Variants in CFAP61 observed in about 807,000 individuals in gnomAD.
CFAP61 encodes cilia and flagella associated protein 61.
Under a neutral mutation model 135.6 loss-of-function variants are expected in CFAP61, and 107 were observed. The observed-to-expected ratio is 0.79, with a 90% confidence interval of 0.67 to 0.93. The LOEUF (loss-of-function observed/expected upper bound fraction) is 0.93, where lower values mean the gene tolerates loss of function less well. Among genes scored for constraint, CFAP61 ranks in the 40% least tolerant of loss-of-function variants. CFAP61 has a pLI of 0.00. For missense variants in CFAP61, 1,507 were observed against 1,556.2 expected, an observed-to-expected ratio of 0.97 and a Z score of 0.53; for synonymous variants, 575 against 578.5, an observed-to-expected ratio of 0.99 and a Z score of 0.09.
At chr20:20,231,283 T>A (rs1339930393) in intron 18 of CFAP61, among the ~76,000 whole-genome samples, 1 of 152,178 alleles carries the variant, frequency 6.6e-6, no homozygotes. Flanking sequence ...ACACATCTCC[T>A]TGTCTGTGGT....
At chr20:20,269,208 T>TAC (rs1205036586) in intron 21 of CFAP61, among the ~76,000 whole-genome samples, 4 of 141,878 alleles carry the variant, frequency 2.8e-5, no homozygotes, top group Middle Eastern at 3.6e-3. Context: ...TATATGTATA[T>TAC]ATACACATAT....
rs1046219803 is a variant in CFAP61 at position 20,102,478 on chromosome 20, GTGT to G, written c.859+3672_859+3674del. Among the ~76,000 whole-genome samples, 35 of 152,266 alleles carry G rather than the reference GTGT, an allele frequency of 2.3e-4. 1 individual carries two copies. The highest frequency in any genetic ancestry group is 7.7e-4 in the African/African-American group (32 of 41,552). The stretch of plus-strand genomic sequence containing the variant: ...AATAGTAATCTGGGTGATAACACAT[GTGT>G]TGTTGTTTTTTAACTTTTAAGTTCA... On this transcript the variant is annotated intron_variant, in intron 8 of 26. Coordinates refer to ENST00000245957, the MANE Select transcript of CFAP61 (RefSeq NM_015585.4).
At chr20:20,174,731 C>A (rs186253003) in intron 13 of CFAP61, among the ~76,000 whole-genome samples, 111 of 148,920 alleles carry the variant, frequency 7.5e-4, no homozygotes, top group African/African-American at 2.7e-3. Flanking sequence ...GGGAGAGCAA[C>A]CCCCACCCTT....
chr20:20,280,317 G>T (rs76426483), intron 22 of CFAP61, among the ~76,000 whole-genome samples: 1 of 152,150 alleles, frequency 6.6e-6, no homozygotes, highest in Non-Finnish European at 1.5e-5. Flanking sequence ...GTAGGAAGAG[G>T]CAGGGAAGCC....
intron 25 of CFAP61, among the ~76,000 whole-genome samples, chr20:20,339,639 AT>A (rs993326129): frequency 1.5e-4 from 23 of 150,814 alleles, no homozygotes; most frequent in Non-Finnish European, 8.9e-5. Context: ...CACCTGGCTA[AT>A]TTTTTTTTAT....
At chr20:20,188,666 C>T (rs1354789362) in intron 14 of CFAP61, among the ~76,000 whole-genome samples, 1 of 152,174 alleles carries the variant, frequency 6.6e-6, no homozygotes, top group Non-Finnish European at 1.5e-5. Context: ...AGGGCCATGA[C>T]AGTTAATCTG....
chr20:20,328,775 G>GA (rs1359877308), intron 25 of CFAP61, among the ~76,000 whole-genome samples: 28 of 152,318 alleles, frequency 1.8e-4, no homozygotes, highest in African/African-American at 6.0e-4. Context: ...GGAAGTACAT[G>GA]AAAAGGTGTT....
At chr20:20,062,325 G>A (rs573541660) in intron 2 of CFAP61, among the ~76,000 whole-genome samples, 6 of 152,312 alleles carry the variant, frequency 3.9e-5, no homozygotes, top group African/African-American at 1.4e-4. Flanking sequence ...ATAAAACAGA[G>A]TAGCCACTAA....
At chr20:20,261,532 C>T (rs980568790) in intron 20 of CFAP61, among the ~76,000 whole-genome samples, 15 of 152,198 alleles carry the variant, frequency 9.9e-5, no homozygotes, top group African/African-American at 3.6e-4. Flanking sequence ...TTTTTCTCCT[C>T]ATAACTGCCA....
At chr20:20,271,350 A>G (rs2053329865) in intron 21 of CFAP61, among the ~76,000 whole-genome samples, 2 of 152,206 alleles carry the variant, frequency 1.3e-5, no homozygotes, top group Admixed American at 1.3e-4. Flanking sequence ...CAACATTTTA[A>G]TTGGCAAGTG....
intron 18 of CFAP61, among the ~76,000 whole-genome samples, chr20:20,245,882 G>A (rs1449902773): frequency 1.3e-5 from 2 of 152,120 alleles, no homozygotes; most frequent in Admixed American, 1.3e-4. Context: ...TTAAAAACCT[G>A]TCTCATTACT....
chr20:20,338,133 GA>G (rs1376123976), intron 25 of CFAP61, among the ~76,000 whole-genome samples: 1 of 152,158 alleles, frequency 6.6e-6, no homozygotes, highest in Non-Finnish European at 1.5e-5. Flanking sequence ...TCATAGAGAG[GA>G]AAGCCCCACC....
intron 17 of CFAP61, chr20:20,222,118 A>T (rs1431297807): frequency 6.6e-6 from 1 of 152,120 alleles, no homozygotes; most frequent in African/African-American, 2.4e-5. Context: ...TGCACACTAG[A>T]ATTGATGAAA....
intron 25 of CFAP61, among the ~76,000 whole-genome samples, chr20:20,329,722 G>C (rs1286579527): frequency 2.6e-5 from 4 of 152,222 alleles, no homozygotes; most frequent in African/African-American, 7.2e-5. Flanking sequence ...CTGGACGTTA[G>C]AGCAGTCAAA....
intron 1 of CFAP61, among the ~76,000 whole-genome samples, chr20:20,054,004 T>TTG (rs1555825920): frequency 2.7e-5 from 3 of 111,622 alleles, no homozygotes; most frequent in Non-Finnish European, 5.6e-5. Context: ...GTGTGTGTTT[T>TTG]TTTTGTTTGT....
chr20:20,108,481 G>T (rs1285499019), intron 8 of CFAP61, among the ~76,000 whole-genome samples: 1 of 151,980 alleles, frequency 6.6e-6, no homozygotes, highest in Non-Finnish European at 1.5e-5. Context: ...TAAGAAGAAG[G>T]TTACAAATAG....
Position 20,059,273 on chromosome 20 carries a change from A to G in CFAP61, c.143+2477A>G, listed in dbSNP as rs1291496726. 2.3e-5 allele frequency among the ~76,000 whole-genome samples: 3 copies of G among 131,378 alleles called. No homozygotes were observed. The East Asian group carries it at 7.0e-4, about 31-fold the overall frequency. 86.2% of individuals were successfully genotyped at this position (131,378 alleles called of 152,430 possible). A position where few individuals can be genotyped will look rare whatever the true frequency, so the allele number is the denominator to read the frequency against. ...AACCCAGGAGGCGGAGGTTGCAATG[A>G]GCCAAGATTGCACTACTGCACACTC... On this transcript the variant is annotated intron_variant, in intron 2 of 26. Coordinates refer to ENST00000245957, the MANE Select transcript of CFAP61 (RefSeq NM_015585.4).
intron 24 of CFAP61, among the ~76,000 whole-genome samples, chr20:20,297,414 C>G (rs2055723593): frequency 6.6e-6 from 1 of 152,086 alleles, no homozygotes; most frequent in African/African-American, 2.4e-5. Flanking sequence ...TTCAGTCACC[C>G]CCCACAAAAC....
chr20:20,075,096 C>A, intron 4 of CFAP61, 93 bp from the exon 5 acceptor site: 1 of 1,200,832 alleles, frequency 8.3e-7, no homozygotes, highest in Admixed American at 1.7e-5. Context: ...AGGAACACCT[C>A]ACCTTTTTAG....
Sources: allele counts gnomAD v4.1 joint callset (sites outside exome capture counted in the v4.1 genomes callset), GRCh38; gene constraint gnomAD v4.1.1; transcripts MANE v1.5; gene names NCBI Gene and HGNC (gene_info 2026-07-23, HGNC 2026-07-21).